The following LSP1 variants were observed in gnomAD, a reference collection of about 807,000 sequenced individuals.
The protein encoded by LSP1 is lymphocyte-specific protein 1.
In LSP1, 32 loss-of-function variants were observed where a neutral mutation model predicts 49.3. The ratio of observed to expected loss-of-function variants is 0.65; its 90% CI spans 0.49 to 0.87. The LOEUF is 0.87. Among genes scored for constraint, LSP1 ranks in the 40% least tolerant of loss-of-function variants. The pLI, the probability that LSP1 is intolerant of heterozygous loss-of-function variation, is 0.00. For synonymous variants in LSP1, 179 were observed against 178.8 expected (o/e 1.00, Z -0.01); for missense variants, 428 against 442.6 (o/e 0.97, Z 0.30).
rs140195838 is a variant in LSP1, at chr11:1,890,809, C to T, written c.*14-964C>T. The T allele has an allele frequency of 1.4e-3, 822 of 580,380 alleles. 4 individuals are homozygous for T. Among genetic ancestry groups the T allele is most frequent in the Middle Eastern group, 4.1e-3 (9 of 2,174 alleles). The allele number at this position is 580,380 out of a possible 1,614,324, so 36.0% of individuals were successfully genotyped here. ...CCATCACCCTAGTGTAGAAATGAGG[C>T]CACAGAGGCCGAGTCCCTCCAGGGA... On this transcript the variant is annotated intron_variant, in intron 10 of 10. Coordinates refer to ENST00000311604, the MANE Select transcript of LSP1 (RefSeq NM_002339.3).
rs1169358177 is a variant in LSP1 at position 1,887,269 on chromosome 11, C to A, written c.885C>A (p.Ser295Arg). 1.3e-6 allele frequency: 2 copies of A among 1,594,924 alleles called. No individual in the cohort carries two copies. Among genetic ancestry groups the A allele is most frequent in the African/African-American group, 2.7e-5 (2 of 74,408 alleles). Residue 295 changes from serine to arginine, a missense_variant, in exon 9 of 11, where the codon AGC becomes AGA. Ser to Arg is a moderately radical substitution (Grantham distance 110). Coordinates refer to ENST00000311604, the MANE Select transcript of LSP1 (RefSeq NM_002339.3). ...DIVAGDMSKK[S>R]LWEQKGGSKT... ...TGGCTGGAGACATGAGCAAGAAAAG[C>A]CTCTGGGAGCAGAAGGGAGGCTCCA...
chr11:1,881,953 T>G (rs528921454), intron 3 of LSP1, among the ~76,000 whole-genome samples: 45 of 152,152 alleles, frequency 3.0e-4, no homozygotes, highest in Non-Finnish European at 4.4e-4. Context: ...GGCCGGGTGC[T>G]GCCACATCAG....
intron 1 of LSP1, 42 bp from the exon 2 acceptor site, chr11:1,880,045 G>C (rs762600280): frequency 1.9e-6 from 3 of 1,603,344 alleles, no homozygotes; most frequent in African/African-American, 1.3e-5. Flanking sequence ...AACAGCACCT[G>C]TGTCGGCTGT....
intron 3 of LSP1, among the ~76,000 whole-genome samples, chr11:1,882,004 C>T (rs1210197863): frequency 2.0e-5 from 3 of 152,192 alleles, no homozygotes; most frequent in Admixed American, 2.0e-4. Context: ...GCTGAGAGCC[C>T]GCCGCCGCCC....
chr11:1,881,621 C>T (rs988771693), intron 3 of LSP1, 25 bp downstream of exon 3: 15 of 1,453,068 alleles, frequency 1.0e-5, no homozygotes, highest in African/African-American at 3.0e-5. Flanking sequence ...CGAGGGCGGG[C>T]GCTGGGCAGA....
chr11:1,883,669 C>T, intron 4 of LSP1, 109 bp downstream of exon 4: 1 of 1,356,518 alleles, frequency 7.4e-7, no homozygotes, highest in Non-Finnish European at 1.0e-6. Context: ...CAGAGTGGGT[C>T]AGCACCCCAC....
intron 1 of LSP1, among the ~76,000 whole-genome samples, chr11:1,875,727 G>A (rs588321): frequency 6.6e-6 from 1 of 152,126 alleles, no homozygotes; most frequent in Admixed American, 6.5e-5. Context: ...GAGGCCCCGG[G>A]GGGGAGGCTG....
chr11:1,876,418 C>T, intron 1 of LSP1: 1 of 977,968 alleles, frequency 1.0e-6, no homozygotes, highest in Non-Finnish European at 1.2e-6. Flanking sequence ...TGTGGTCAGG[C>T]CTGGAGGAGA....
chr11:1,881,226 AG>A, intron 2 of LSP1: 2 of 519,746 alleles, frequency 3.8e-6, no homozygotes, highest in Non-Finnish European at 6.7e-6. Context: ...CACAGTTCTC[AG>A]GCTGCCCCAG....
chr11:1,876,231 C>T (rs1392498613), intron 1 of LSP1, among the ~76,000 whole-genome samples: 1 of 152,188 alleles, frequency 6.6e-6, no homozygotes, highest in Non-Finnish European at 1.5e-5. Flanking sequence ...TGCTGTGTCT[C>T]TCCACTCTTG....
chr11:1,886,552 C>T (rs2133130786), intron 7 of LSP1, among the ~76,000 whole-genome samples, 180 bp from the exon 8 acceptor site: 1 of 152,376 alleles, frequency 6.6e-6, no homozygotes, highest in East Asian at 1.9e-4. Flanking sequence ...GGAGGTGTCT[C>T]ACAACTGCAT....
intron 1 of LSP1, chr11:1,870,575 T>A: frequency 3.5e-6 from 4 of 1,134,134 alleles, no homozygotes; most frequent in Non-Finnish European, 4.4e-6. Context: ...GGTAGGAAGA[T>A]CCCGGTGCTG....
intron 1 of LSP1, among the ~76,000 whole-genome samples, chr11:1,879,260 G>T (rs1218831048): frequency 1.3e-5 from 2 of 152,158 alleles, no homozygotes; most frequent in Non-Finnish European, 1.5e-5. Flanking sequence ...CAGGAGAATC[G>T]CTTGAACCCA....
rs199756727 is a variant in LSP1 at position 1,884,292 on chromosome 11, A to G, written c.604A>G (p.Thr202Ala). 2 of 1,613,900 alleles carry G rather than the reference A, an allele frequency of 1.2e-6. No individual in the cohort carries two copies. The highest frequency in any genetic ancestry group is 1.7e-6 in the Non-Finnish European group (2 of 1,179,970). The change falls in exon 6 of 11, where the codon ACC becomes GCC. Residue 202 changes from threonine to alanine, a missense_variant. Thr to Ala is a moderately conservative substitution (Grantham distance 58). Transcript: ENST00000311604. The surrounding 1 kb of genome is among the most constrained non-coding windows in gnomAD (Gnocchi z 4.1). Reference sequence around the variant, plus strand: ...CCACCCTCTGCAGCTCATCGACAGGACCGAGTCCCTAAACCGCTCCATAGA... The same window carrying G: ...CCACCCTCTGCAGCTCATCGACAGGGCCGAGTCCCTAAACCGCTCCATAGA... ...LSPTTKLIDR[T>A]ESLNRSIEKS...
intron 1 of LSP1, among the ~76,000 whole-genome samples, chr11:1,854,943 G>A (rs893941383): frequency 6.6e-6 from 1 of 152,068 alleles, no homozygotes; most frequent in Non-Finnish European, 1.5e-5. Context: ...GGAGCGGGGA[G>A]GGGGGGTTGG....
intron 1 of LSP1, chr11:1,864,332 G>C: frequency 1.2e-6 from 1 of 814,650 alleles, no homozygotes; most frequent in Non-Finnish European, 1.5e-6. Flanking sequence ...GAGGGCATGA[G>C]GCACTCCGAG....
chr11:1,854,232 G>A (rs773593321), intron 1 of LSP1, among the ~76,000 whole-genome samples: 4 of 152,110 alleles, frequency 2.6e-5, no homozygotes, highest in African/African-American at 4.8e-5. Flanking sequence ...AAGGGAAGGC[G>A]CTGGGGCCCA....
intron 1 of LSP1, chr11:1,866,560 G>T: frequency 1.3e-6 from 2 of 1,547,400 alleles, no homozygotes; most frequent in Non-Finnish European, 1.7e-6. Context: ...GTGGGCCCCT[G>T]GCTGGGCACA....
intron 1 of LSP1, among the ~76,000 whole-genome samples, chr11:1,862,315 G>A (rs1435186334): frequency 1.3e-5 from 2 of 152,190 alleles, no homozygotes; most frequent in East Asian, 1.9e-4. Context: ...AATCTTGGCC[G>A]CTACATGTAA....
Sources: allele counts gnomAD v4.1 joint callset (sites outside exome capture counted in the v4.1 genomes callset), GRCh38; gene constraint gnomAD v4.1.1; non-coding constraint Gnocchi (gnomAD v3.1); transcripts MANE v1.5; gene names NCBI Gene and HGNC (gene_info 2026-07-23, HGNC 2026-07-21).